CYFIP2: variants seen among roughly 807,000 people sequenced by gnomAD.
CYFIP2 encodes the protein cytoplasmic FMR1-interacting protein 2.
A neutral mutation model predicts 158.7 loss-of-function variants in CYFIP2; 29 were observed. The observed-to-expected ratio is 0.18, with a 90% CI of 0.14 to 0.25. CYFIP2 has a LOEUF of 0.25. Among genes scored for constraint, CYFIP2 ranks in the 10% least tolerant of loss-of-function variants. The probability of loss-of-function intolerance (pLI) is 1.00; values close to 1 mark genes in which losing one functional copy is unlikely to be tolerated. For missense variants in CYFIP2, 852 were observed against 1,639.5 expected (o/e 0.52, Z 8.29); for synonymous variants, 585 against 617.6 (o/e 0.95, Z 0.78).
chr5:157,325,370 C>A, intron 16 of CYFIP2, 112 bp from the exon 17 acceptor site: 1 of 1,202,040 alleles, frequency 8.3e-7, no homozygotes, highest in Non-Finnish European at 1.1e-6. Context: ...AATATTAGTA[C>A]CTGCTACATA....
intron 20 of CYFIP2, among the ~76,000 whole-genome samples, chr5:157,331,899 A>G (rs1401145748): frequency 6.6e-6 from 1 of 152,250 alleles, no homozygotes; most frequent in Non-Finnish European, 1.5e-5. Flanking sequence ...CAGGTACTCA[A>G]CAAATGTTCA....
chr5:157,339,005 T>G, intron 21 of CYFIP2, 52 bp from the exon 22 acceptor site: 4 of 1,526,202 alleles, frequency 2.6e-6, no homozygotes, highest in Non-Finnish European at 3.5e-6. Context: ...AACACACACA[T>G]GTAATGCTTA....
intron 26 of CYFIP2, among the ~76,000 whole-genome samples, chr5:157,371,366 T>C (rs533019624): frequency 6.6e-6 from 1 of 152,194 alleles, no homozygotes; most frequent in African/African-American, 2.4e-5. Context: ...CATAATGCAT[T>C]AGTGTTATTT....
At chr5:157,362,158 GAGA>G (rs1482436318) in intron 26 of CYFIP2, among the ~76,000 whole-genome samples, 1 of 152,232 alleles carries the variant, frequency 6.6e-6, no homozygotes, top group Non-Finnish European at 1.5e-5. Flanking sequence ...GGGTAAGGAA[GAGA>G]AGCTTTGTTT....
At chr5:157,345,320 T>A (rs1255865758) in intron 23 of CYFIP2, 1 of 152,560 alleles carries the variant, frequency 6.6e-6, no homozygotes. Flanking sequence ...TCTGTACAGA[T>A]GGAATTACCT....
chr5:157,268,120 C>T (rs1755769391), intron 1 of CYFIP2, among the ~76,000 whole-genome samples: 1 of 152,236 alleles, frequency 6.6e-6, no homozygotes, highest in Admixed American at 6.5e-5. Flanking sequence ...AGTGTTGTTG[C>T]TTACAAAGTC....
chr5:157,283,711 G>A (rs974563661), intron 1 of CYFIP2, among the ~76,000 whole-genome samples: 1 of 152,176 alleles, frequency 6.6e-6, no homozygotes, highest in Non-Finnish European at 1.5e-5. Context: ...TAGCTGCACA[G>A]CAGCCAGTGA....
chr5:157,372,835 C>T (rs1161694126), intron 26 of CYFIP2, among the ~76,000 whole-genome samples: 1 of 152,120 alleles, frequency 6.6e-6, no homozygotes, highest in African/African-American at 2.4e-5. Flanking sequence ...CTGGCAGCCA[C>T]CCTCCTCCCA....
chr5:157,322,849 CTT>C, intron 15 of CYFIP2: 2 of 1,314,246 alleles, frequency 1.5e-6, no homozygotes, highest in Non-Finnish European at 2.1e-6. Context: ...ATACCTCTTG[CTT>C]TTCTCTCTCT....
chr5:157,330,184 C>T lies in CYFIP2; in HGVS notation c.2157-558C>T, dbSNP rs191791720. Among the ~76,000 whole-genome samples, 239 of 151,428 alleles carry T rather than the reference C, an allele frequency of 1.6e-3. 1 individual carries two copies. Among genetic ancestry groups the T allele is most frequent in the Non-Finnish European group, 4.4e-4 (30 of 67,944 alleles). On this transcript the variant is annotated intron_variant, in intron 19 of 30. Transcript: ENST00000620254. The stretch of plus-strand genomic sequence containing the variant: ...AAGCACTTCTCCTCTGCAATCCATG[C>T]CTCAGTGTGAAAGATAGTAACACTC...
At chr5:157,276,648 G>A (rs1272621744) in intron 1 of CYFIP2, among the ~76,000 whole-genome samples, 2 of 152,134 alleles carry the variant, frequency 1.3e-5, no homozygotes, top group Non-Finnish European at 2.9e-5. Flanking sequence ...CCAAAATGAA[G>A]AGAGTGAGGC....
intron 28 of CYFIP2, 24 bp from the exon 29 acceptor site, chr5:157,389,165 G>A (rs1394761440): frequency 2.5e-6 from 4 of 1,583,884 alleles, no homozygotes; most frequent in Non-Finnish European, 3.4e-6. Flanking sequence ...TGGATAGAAG[G>A]TGTATGTGCC....
At chr5:157,344,500 C>A (rs61069274) in intron 23 of CYFIP2, among the ~76,000 whole-genome samples, 17,588 of 152,104 alleles carry the variant, frequency 0.12, 1,525 homozygotes, top group East Asian at 0.26. Context: ...AAATGAGGTG[C>A]CAGGACTGAG....
rs1763840023 is a variant in CYFIP2 at position 157,361,706 on chromosome 5, C to G, written c.3039+108C>G. The G allele has an allele frequency of 2.2e-6, 3 of 1,337,166 alleles. No homozygotes were observed. The highest frequency in any genetic ancestry group is 3.1e-6 in the Non-Finnish European group (3 of 972,302). 82.8% of individuals were successfully genotyped at this position (1,337,166 alleles called of 1,614,324 possible). On this transcript the variant is annotated intron_variant, in intron 26 of 30. Coordinates refer to ENST00000620254, the MANE Select transcript of CYFIP2 (RefSeq NM_001037333.3). This position sits in a 1 kb window ranked among gnomAD's most constrained non-coding sequence, Gnocchi z 4.4. ...CATTGATTTGTGCTTTGAGTACAAGCTCACATGCTCTTTTCAGTTCATTTC... is the reference window on the plus strand; with the variant it reads ...CATTGATTTGTGCTTTGAGTACAAGGTCACATGCTCTTTTCAGTTCATTTC...
intron 11 of CYFIP2, among the ~76,000 whole-genome samples, chr5:157,312,146 CTG>C (rs1759777424): frequency 6.6e-6 from 1 of 152,008 alleles, no homozygotes. Flanking sequence ...CATCTCCAAC[CTG>C]GATGGCAAGA....
At chr5:157,392,582 T>TGATGG (rs1446004165) in intron 30 of CYFIP2, among the ~76,000 whole-genome samples, 3 of 152,216 alleles carry the variant, frequency 2.0e-5, no homozygotes, top group Non-Finnish European at 4.4e-5. Flanking sequence ...CATCTGTACA[T>TGATGG]CTACCTTTTT....
At chr5:157,389,614 A>G in intron 29 of CYFIP2, 187 bp downstream of exon 29, 1 of 574,728 alleles carries the variant, frequency 1.7e-6, no homozygotes, top group East Asian at 2.9e-5. Flanking sequence ...TGATAGTAAG[A>G]CCCTCACTGC....
chr5:157,369,153 C>T (rs1237768401), intron 26 of CYFIP2, among the ~76,000 whole-genome samples: 1 of 152,136 alleles, frequency 6.6e-6, no homozygotes, highest in Admixed American at 6.5e-5. Context: ...CTGCCTTGGC[C>T]TCCCAAAGTG....
intron 19 of CYFIP2, among the ~76,000 whole-genome samples, chr5:157,329,272 G>A (rs1761262656): frequency 6.6e-6 from 1 of 152,252 alleles, no homozygotes; most frequent in South Asian, 2.1e-4. Flanking sequence ...TGAATGGGAT[G>A]TGGTTCTAAC....
Sources: gnomAD v4.1 joint callset for allele counts (sites outside exome capture counted in the v4.1 genomes callset) on GRCh38, gnomAD v4.1.1 for gene constraint, Gnocchi (gnomAD v3.1) non-coding constraint, MANE v1.5 for transcripts, NCBI Gene and HGNC (gene_info 2026-07-23, HGNC 2026-07-21) for gene names.